The following GRID2 variants were observed in gnomAD, a reference collection of about 807,000 sequenced individuals.
The protein encoded by GRID2 is glutamate receptor ionotropic, delta-2.
In GRID2, 33 loss-of-function variants were observed where a neutral mutation model predicts 114.8. The ratio of observed to expected loss-of-function variants is 0.29; its 90% CI spans 0.22 to 0.38. The LOEUF is 0.38. Ranked by LOEUF, GRID2 falls within the 10% of genes least tolerant of loss-of-function variation. The probability of loss-of-function intolerance (pLI) is 1.00; values close to 1 mark genes in which losing one functional copy is unlikely to be tolerated. For missense variants in GRID2, 1,184 were observed against 1,257.7 expected, an observed-to-expected ratio of 0.94 and a Z score of 0.89; for synonymous variants, 505 against 449.9, an observed-to-expected ratio of 1.12 and a Z score of -1.55.
At chr4:92,535,545 T>G (rs889324790) in intron 1 of GRID2, among the ~76,000 whole-genome samples, 2 of 152,062 alleles carry the variant, frequency 1.3e-5, no homozygotes, top group Non-Finnish European at 2.9e-5. Context: ...CAGCTATTAA[T>G]TTACATGGAA....
chr4:92,805,630 G>A (rs568992335), intron 2 of GRID2, among the ~76,000 whole-genome samples: 7 of 151,890 alleles, frequency 4.6e-5, no homozygotes, highest in African/African-American at 7.2e-5. Flanking sequence ...CCTATTATAC[G>A]GTGTTTAAAG....
intron 1 of GRID2, among the ~76,000 whole-genome samples, chr4:92,395,280 T>A (rs1017516734): frequency 7.3e-5 from 11 of 151,722 alleles, no homozygotes; most frequent in African/African-American, 2.4e-4. Context: ...GTATGATTTA[T>A]GTACCCTTTG....
chr4:92,774,304 C>T (rs1260139235), intron 2 of GRID2, among the ~76,000 whole-genome samples: 4 of 152,068 alleles, frequency 2.6e-5, no homozygotes, highest in Non-Finnish European at 4.4e-5. Flanking sequence ...GTCAACAACC[C>T]ACGGCCATGG....
chr4:92,726,000 CA>C (rs1438234289), intron 2 of GRID2, among the ~76,000 whole-genome samples: 7 of 151,994 alleles, frequency 4.6e-5, no homozygotes, highest in African/African-American at 1.7e-4. Context: ...ATATTGAGTA[CA>C]ACATAAATTG....
intron 2 of GRID2, among the ~76,000 whole-genome samples, chr4:92,754,208 TC>T (rs1249239880): frequency 2.0e-5 from 3 of 152,160 alleles, no homozygotes; most frequent in African/African-American, 7.2e-5. Flanking sequence ...CATTTCATAG[TC>T]CTGTGAATAC....
chr4:92,795,702 C>A lies in GRID2; in HGVS notation c.244+205416C>A, dbSNP rs376451361. Among the ~76,000 whole-genome samples the A allele has an allele frequency of 9.2e-5, 14 of 152,060 alleles. No homozygotes were observed. The East Asian group carries it at 2.5e-3, about 28-fold the overall frequency. ...TGTCACAAAATAAGTCAAAAATAGT[C>A]TTGAATAATTGGAACCTTCTGTCAG... is the stretch of plus-strand genomic sequence containing the variant. On this transcript the variant is annotated intron_variant, in intron 2 of 15. Coordinates refer to ENST00000282020, the MANE Select transcript of GRID2 (RefSeq NM_001510.4).
At chr4:92,466,830 A>G (rs543277813) in intron 1 of GRID2, among the ~76,000 whole-genome samples, 217 of 151,222 alleles carry the variant, frequency 1.4e-3, no homozygotes, top group African/African-American at 4.0e-3. Flanking sequence ...ATATATATAT[A>G]TGTGTGTGTG....
At chr4:92,636,882 T>A (rs986633851) in intron 2 of GRID2, among the ~76,000 whole-genome samples, 12 of 152,142 alleles carry the variant, frequency 7.9e-5, no homozygotes, top group African/African-American at 2.2e-4. Context: ...TTGTTTTTTT[T>A]AATTTTATTT....
At chr4:93,230,057 T>G (rs963840252) in intron 7 of GRID2, among the ~76,000 whole-genome samples, 2 of 152,110 alleles carry the variant, frequency 1.3e-5, no homozygotes, top group Non-Finnish European at 2.9e-5. Context: ...TATAGTTAGC[T>G]TTTTGTAATC....
chr4:93,644,878 G>GA (rs374791732), intron 14 of GRID2, among the ~76,000 whole-genome samples: 1,719 of 150,108 alleles, frequency 0.011, 41 homozygotes, highest in African/African-American at 0.04. Context: ...TGATCAGTTT[G>GA]AAAAAAAAAT....
At chr4:92,706,342 T>G (rs868513260) in intron 2 of GRID2, among the ~76,000 whole-genome samples, 2 of 152,192 alleles carry the variant, frequency 1.3e-5, no homozygotes, top group Non-Finnish European at 2.9e-5. Flanking sequence ...TTTTTAAAGT[T>G]TTTTATTTAA....
chr4:93,514,245 A>C (rs1729472060), intron 12 of GRID2, among the ~76,000 whole-genome samples: 1 of 152,140 alleles, frequency 6.6e-6, no homozygotes, highest in African/African-American at 2.4e-5. Flanking sequence ...AGAAACTCAA[A>C]TGGAGGGAAA....
At chr4:92,910,697 C>A (rs1362411186) in intron 2 of GRID2, among the ~76,000 whole-genome samples, 2 of 151,960 alleles carry the variant, frequency 1.3e-5, no homozygotes, top group Non-Finnish European at 2.9e-5. Context: ...TTTCATACAC[C>A]AAAATTTACA....
At chr4:93,765,424 A>T (rs1733567194) in intron 14 of GRID2, among the ~76,000 whole-genome samples, 1 of 152,064 alleles carries the variant, frequency 6.6e-6, no homozygotes, top group African/African-American at 2.4e-5. Context: ...GTGAGCATAA[A>T]ATAAACAATA....
At chr4:93,212,728 C>T (rs1743688347) in intron 5 of GRID2, among the ~76,000 whole-genome samples, 1 of 151,294 alleles carries the variant, frequency 6.6e-6, no homozygotes. Context: ...TTAATCACTG[C>T]TGAGTATTAC....
intron 1 of GRID2, among the ~76,000 whole-genome samples, chr4:92,306,629 G>A (rs1725422256): frequency 6.6e-6 from 1 of 152,164 alleles, no homozygotes; most frequent in Non-Finnish European, 1.5e-5. Flanking sequence ...TGGTCTGCAT[G>A]ATAAATACAT....
intron 8 of GRID2, among the ~76,000 whole-genome samples, chr4:93,243,948 C>T (rs1747837954): frequency 6.6e-6 from 1 of 151,776 alleles, no homozygotes; most frequent in African/African-American, 2.4e-5. Flanking sequence ...GTGGTTATTT[C>T]TGTTTCTGTT....
intron 14 of GRID2, among the ~76,000 whole-genome samples, chr4:93,711,289 T>C (rs10001391): frequency 0.57 from 86,955 of 151,938 alleles, 25,542 homozygotes; most frequent in East Asian, 0.75. Flanking sequence ...AGTCAGCAAG[T>C]GATGAATCCT....
intron 1 of GRID2, among the ~76,000 whole-genome samples, chr4:92,495,376 T>C (rs1723337554): frequency 1.3e-5 from 2 of 151,964 alleles, no homozygotes; most frequent in Admixed American, 1.3e-4. Flanking sequence ...TTCCCTGTTA[T>C]ACAATGAAGA....
Sources: allele counts gnomAD v4.1 joint callset (sites outside exome capture counted in the v4.1 genomes callset), GRCh38; gene constraint gnomAD v4.1.1; transcripts MANE v1.5; gene names NCBI Gene and HGNC (gene_info 2026-07-23, HGNC 2026-07-21).